Variants in THRB observed in about 807,000 individuals in gnomAD.
THRB encodes the protein nuclear receptor subfamily 1 group A member 2.
A neutral mutation model predicts 47.8 loss-of-function variants in THRB; 12 were observed. That is an observed-to-expected ratio of 0.25 (90% CI 0.16 to 0.41). The LOEUF (loss-of-function observed/expected upper bound fraction) is 0.41. THRB is among the 10% of genes least tolerant of loss of function. The pLI is 1.00. For missense variants in THRB, 348 were observed against 589.2 expected, an observed-to-expected ratio of 0.59 and a Z score of 4.24; for synonymous variants, 218 against 212.2, an observed-to-expected ratio of 1.03 and a Z score of -0.24.
At chr3:24,180,465 C>A (rs1304231887) in intron 5 of THRB, among the ~76,000 whole-genome samples, 1 of 152,198 alleles carries the variant, frequency 6.6e-6, no homozygotes, top group Non-Finnish European at 1.5e-5. Context: ...TGAATAAAGT[C>A]AAGTCCCTTA....
At chr3:24,128,397 T>G (rs879388117) in intron 9 of THRB, among the ~76,000 whole-genome samples, 1 of 152,194 alleles carries the variant, frequency 6.6e-6, no homozygotes, top group African/African-American at 2.4e-5. Context: ...CTCAGCACCT[T>G]AGACACAGGA....
chr3:24,263,559 C>G (rs1439760481), intron 3 of THRB, among the ~76,000 whole-genome samples: 4 of 150,862 alleles, frequency 2.7e-5, no homozygotes, highest in African/African-American at 9.8e-5. Context: ...GGAGATTATA[C>G]TGGAAATGAC....
chr3:24,204,882 C>G (rs921560931), intron 4 of THRB, among the ~76,000 whole-genome samples: 3 of 152,116 alleles, frequency 2.0e-5, no homozygotes, highest in African/African-American at 7.2e-5. Flanking sequence ...CCGATTCGAT[C>G]AACTGGAAGA....
At chr3:24,262,853 T>A (rs1329190677) in intron 3 of THRB, among the ~76,000 whole-genome samples, 1 of 152,186 alleles carries the variant, frequency 6.6e-6, no homozygotes, top group East Asian at 1.9e-4. Context: ...TTTTTTATTT[T>A]TTTTTCTATT....
chr3:24,466,559 C>T (rs1031502100), intron 1 of THRB, among the ~76,000 whole-genome samples: 3 of 152,270 alleles, frequency 2.0e-5, no homozygotes, highest in South Asian at 2.1e-4. Flanking sequence ...ACCCTCCAAT[C>T]TCAACTACAG....
chr3:24,309,538 T>C (rs986017571), intron 2 of THRB, among the ~76,000 whole-genome samples: 1 of 152,218 alleles, frequency 6.6e-6, no homozygotes, highest in Non-Finnish European at 1.5e-5. Context: ...ACTGTATTTG[T>C]CTTATTTCTG....
chr3:24,340,325 C>A (rs1000969708), intron 1 of THRB, among the ~76,000 whole-genome samples: 2 of 151,940 alleles, frequency 1.3e-5, no homozygotes, highest in Non-Finnish European at 2.9e-5. Flanking sequence ...CCTCCTCCTT[C>A]TCCTTCTCCT....
intron 2 of THRB, among the ~76,000 whole-genome samples, chr3:24,307,237 T>C (rs2057414826): frequency 6.8e-6 from 1 of 147,386 alleles, no homozygotes; most frequent in Non-Finnish European, 1.5e-5. Context: ...AATAACATGG[T>C]AAAGTCTGAG....
chr3:24,139,385 C>CTTTT (rs35616801), intron 8 of THRB, among the ~76,000 whole-genome samples: 3 of 142,666 alleles, frequency 2.1e-5, no homozygotes, highest in South Asian at 4.4e-4. Flanking sequence ...TTTTTCTTTT[C>CTTTT]TTTCTTTTTT....
In THRB at chr3:24,494,751, C is replaced by T. The variant is rs780390733; in HGVS notation, c.-360G>A. The T allele has an allele frequency of 1.3e-5, 2 of 152,030 alleles. No homozygotes were observed. Among genetic ancestry groups the T allele is most frequent in the East Asian group, 1.9e-4 (1 of 5,138 alleles). 9.4% of individuals were successfully genotyped at this position (152,030 alleles called of 1,614,324 possible). On this transcript the variant is annotated 5_prime_UTR_variant, in exon 1 of 11. Coordinates refer to ENST00000646209, the MANE Select transcript of THRB (RefSeq NM_001354712.2). Reference sequence around the variant, plus strand: ...GGGAAGGTAGCCTGCGGGCTCTTGCCCCGAGCCCGCGGAGCAGGAGGTCTC... The same window carrying T: ...GGGAAGGTAGCCTGCGGGCTCTTGCTCCGAGCCCGCGGAGCAGGAGGTCTC...
At position 24,118,973 on chromosome 3, in the gene THRB, G is replaced by GTTTTTTTTTTTTTT. The variant is rs559325556; in HGVS notation, c.*3897_*3910dup. On this transcript the variant is annotated 3_prime_UTR_variant, in exon 11 of 11. Coordinates refer to ENST00000646209, the MANE Select transcript of THRB (RefSeq NM_001354712.2). ...GCCAAACCTTTTTTCCCCCAGTCTG[G>GTTTTTTTTTTTTTT]TTTTTTTTTTTTTTTTTTTTTTTTT... 1 of 49,530 alleles carries GTTTTTTTTTTTTTT rather than the reference G, an allele frequency of 2.0e-5. No individual in the cohort carries two copies. Among genetic ancestry groups the GTTTTTTTTTTTTTT allele is most frequent in the Non-Finnish European group, 4.1e-5 (1 of 24,682 alleles). 3.1% of individuals were successfully genotyped at this position (49,530 alleles called of 1,614,324 possible).
chr3:24,293,675 T>G (rs148637849), intron 3 of THRB, among the ~76,000 whole-genome samples: 1 of 152,224 alleles, frequency 6.6e-6, no homozygotes, highest in East Asian at 1.9e-4. Context: ...AAATGGAATT[T>G]GGGTATAGGG....
chr3:24,356,597 C>G (rs545112399), intron 1 of THRB, among the ~76,000 whole-genome samples: 32 of 152,248 alleles, frequency 2.1e-4, no homozygotes, highest in African/African-American at 7.5e-4. Context: ...ACTAGAACTG[C>G]CCTTAAAGTC....
At chr3:24,328,709 GGCTAATGAATA>G (rs2061736030) in intron 2 of THRB, among the ~76,000 whole-genome samples, 1 of 152,170 alleles carries the variant, frequency 6.6e-6, no homozygotes, top group Non-Finnish European at 1.5e-5. Flanking sequence ...TTTATACTTA[GGCTAATGAATA>G]GCTGCTTACT....
intron 1 of THRB, among the ~76,000 whole-genome samples, chr3:24,426,317 C>A (rs769673973): frequency 6.6e-6 from 1 of 151,884 alleles, no homozygotes; most frequent in Non-Finnish European, 1.5e-5. Context: ...CTATAGGGGC[C>A]ACCACAATAT....
chr3:24,154,383 C>T (rs906042295), intron 5 of THRB, among the ~76,000 whole-genome samples: 1 of 152,108 alleles, frequency 6.6e-6, no homozygotes, highest in Non-Finnish European at 1.5e-5. Flanking sequence ...GTTCTAGGTG[C>T]TGAAAATACA....
intron 3 of THRB, among the ~76,000 whole-genome samples, chr3:24,254,532 A>C (rs533853948): frequency 6.6e-6 from 1 of 152,360 alleles, no homozygotes; most frequent in South Asian, 2.1e-4. Context: ...ACTAAAATAA[A>C]TATGCATCTT....
intron 1 of THRB, among the ~76,000 whole-genome samples, chr3:24,389,004 T>C (rs1272257800): frequency 6.6e-6 from 1 of 152,172 alleles, no homozygotes; most frequent in Non-Finnish European, 1.5e-5. Context: ...CCATCTCTAC[T>C]TTGTGATAAC....
chr3:24,240,942 G>C (rs536057100), intron 3 of THRB, among the ~76,000 whole-genome samples: 1 of 152,066 alleles, frequency 6.6e-6, no homozygotes, highest in Non-Finnish European at 1.5e-5. Context: ...TTTCCATCCT[G>C]ACCAGCACAC....
Sources: gnomAD v4.1 joint callset for allele counts (sites outside exome capture counted in the v4.1 genomes callset) on GRCh38, gnomAD v4.1.1 for gene constraint, MANE v1.5 for transcripts, NCBI Gene and HGNC (gene_info 2026-07-23, HGNC 2026-07-21) for gene names.